Variants in CRACD observed in about 807,000 individuals in gnomAD.
The protein encoded by CRACD is capping protein inhibiting regulator of actin dynamics.
Under a neutral mutation model 106.8 loss-of-function variants are expected in CRACD, and 56 were observed. That is an observed-to-expected ratio of 0.52 (90% CI 0.42 to 0.66). The LOEUF (loss-of-function observed/expected upper bound fraction) is 0.66. Among genes scored for constraint, CRACD ranks in the 30% least tolerant of loss-of-function variants. The pLI is 0.00. For synonymous variants in CRACD, 754 were observed against 670.8 expected (o/e 1.12, Z -1.92); for missense variants, 1,730 against 1,623.2 (o/e 1.07, Z -1.13).
intron 2 of CRACD, among the ~76,000 whole-genome samples, chr4:56,242,889 CTT>C (rs1269813948): frequency 1.3e-5 from 2 of 152,114 alleles, no homozygotes; most frequent in African/African-American, 2.4e-5. Flanking sequence ...AGTTTGTACA[CTT>C]CACGGTGACT....
intron 2 of CRACD, among the ~76,000 whole-genome samples, chr4:56,235,035 T>C (rs1201398209): frequency 6.6e-6 from 1 of 152,232 alleles, no homozygotes; most frequent in Non-Finnish European, 1.5e-5. Context: ...CAACAGTTCA[T>C]TGCATTTGTA....
chr4:56,323,191 T>G (rs1304122407), intron 8 of CRACD, among the ~76,000 whole-genome samples, 186 bp from the exon 9 acceptor site: 1 of 152,150 alleles, frequency 6.6e-6, no homozygotes, highest in African/African-American at 2.4e-5. Flanking sequence ...GTTTTTCTGG[T>G]GATCAAACAT....
At position 56,091,705 on chromosome 4, in the gene CRACD, G is replaced by A. The variant is rs148443044; in HGVS notation, c.-336+42406G>A. ...CTCCTCCTAGGTTTTGTTACATTAT[G>A]GGTTAAGTAGACTTTGGTGGGCGAG... On this transcript the variant is annotated intron_variant, in intron 1 of 10. Transcript: ENST00000682029. Among the ~76,000 whole-genome samples, 315 of 152,236 alleles carry A rather than the reference G, an allele frequency of 2.1e-3. 1 individual carries two copies. Among genetic ancestry groups the A allele is most frequent in the Non-Finnish European group, 2.7e-3 (181 of 68,014 alleles).
intron 1 of CRACD, among the ~76,000 whole-genome samples, chr4:56,137,002 C>T (rs1171048554): frequency 6.6e-6 from 1 of 152,212 alleles, no homozygotes; most frequent in African/African-American, 2.4e-5. Flanking sequence ...ATTGCCCTCA[C>T]ACCATTGTCA....
chr4:56,177,996 T>C (rs927649352), intron 1 of CRACD, among the ~76,000 whole-genome samples: 1 of 152,218 alleles, frequency 6.6e-6, no homozygotes, highest in Admixed American at 6.5e-5. Flanking sequence ...ATTGTCTCAA[T>C]GTTATTTGTT....
At chr4:56,153,441 A>G (rs1276250294) in intron 1 of CRACD, among the ~76,000 whole-genome samples, 2 of 152,152 alleles carry the variant, frequency 1.3e-5, no homozygotes, top group Non-Finnish European at 2.9e-5. Context: ...TCACTCTGTC[A>G]GTAAATATTC....
chr4:56,244,210 A>G (rs1441721430), intron 2 of CRACD, among the ~76,000 whole-genome samples: 1 of 152,094 alleles, frequency 6.6e-6, no homozygotes, highest in Non-Finnish European at 1.5e-5. Context: ...CAAAATTTAC[A>G]TAATGGAGTT....
chr4:56,076,326 G>A (rs1045233472), intron 1 of CRACD, among the ~76,000 whole-genome samples: 2 of 152,150 alleles, frequency 1.3e-5, no homozygotes, highest in African/African-American at 4.8e-5. Context: ...GTGGCACTTT[G>A]TTATGGCAGC....
chr4:56,175,688 A>G (rs1736553377), intron 1 of CRACD, among the ~76,000 whole-genome samples: 1 of 152,098 alleles, frequency 6.6e-6, no homozygotes, highest in African/African-American at 2.4e-5. Context: ...CTGGTTATTA[A>G]TCCCTCGTCA....
chr4:56,309,061 A>C (rs1744953294), intron 5 of CRACD: 1 of 470,276 alleles, frequency 2.1e-6, no homozygotes, highest in Admixed American at 2.4e-5. Flanking sequence ...ATCATTTCAG[A>C]TCAAGAAAAA....
chr4:56,108,761 A>G (rs1734026648), intron 1 of CRACD, among the ~76,000 whole-genome samples: 1 of 152,238 alleles, frequency 6.6e-6, no homozygotes, highest in African/African-American at 2.4e-5. Context: ...CAGAGAGGGA[A>G]GTCAGCATAT....
intron 2 of CRACD, among the ~76,000 whole-genome samples, chr4:56,256,128 C>A (rs1260828897): frequency 6.6e-6 from 1 of 152,174 alleles, no homozygotes; most frequent in African/African-American, 2.4e-5. Context: ...ATGTCCCTAC[C>A]CAAATCTCAT....
chr4:56,101,719 C>T (rs533506200), intron 1 of CRACD, among the ~76,000 whole-genome samples: 3 of 147,430 alleles, frequency 2.0e-5, no homozygotes, highest in East Asian at 2.0e-4. Context: ...GCTGAGATTG[C>T]GCCACTGCAC....
intron 8 of CRACD, chr4:56,321,354 CAG>C (rs1746095673): frequency 6.5e-6 from 1 of 153,424 alleles, no homozygotes; most frequent in Admixed American, 6.5e-5. Context: ...TCCTCCTACC[CAG>C]AGATTTCTTT....
chr4:56,165,515 T>C (rs552263678), intron 1 of CRACD, among the ~76,000 whole-genome samples: 2 of 152,358 alleles, frequency 1.3e-5, no homozygotes, highest in South Asian at 2.1e-4. Context: ...ACAGTTAGTA[T>C]GCAGCAGATT....
Position 56,314,396 on chromosome 4 carries a change from AG to A in CRACD, c.896del (p.Gly299ValfsTer125). On this transcript the variant is annotated frameshift_variant, in exon 8 of 11. Transcript: ENST00000682029. LOFTEE classifies it high-confidence loss of function. The surrounding 1 kb of genome is among the most constrained non-coding windows in gnomAD (Gnocchi z 4.4). ...EEQQRSLEAP[G>X]WEDAERRERE... ...AGCAGCAGCGGAGCCTGGAAGCGCC[AG>A]GTTGGGAGGACGCGGAGCGGAGGGA... The A allele has an allele frequency of 9.3e-7, 1 of 1,080,234 alleles. No individual in the cohort carries two copies. The allele number at this position is 1,080,234 out of a possible 1,614,324, so 66.9% of individuals were successfully genotyped here.
Position 56,214,688 on chromosome 4 carries a change from T to TATATATATATATATAC in CRACD, c.-189+35266_-189+35267insATATATACATATATAT, listed in dbSNP as rs1489730395. ...CTCTCTCTCTCTCTCTCTCTATATA[T>TATATATATATATATAC]ATATATATCAAACAGTTATTTTTTT... On this transcript the variant is annotated intron_variant, in intron 2 of 10. Coordinates refer to ENST00000682029, the MANE Select transcript of CRACD (RefSeq NM_001393381.1). Among the ~76,000 whole-genome samples the TATATATATATATATAC allele has an allele frequency of 2.1e-5, 3 of 143,404 alleles. No homozygotes were observed. In the Admixed American group the frequency reaches 2.1e-4, roughly 10 times the overall value. The allele number at this position is 143,404 out of a possible 152,430, so 94.1% of individuals were successfully genotyped here. A position where few individuals can be genotyped will look rare whatever the true frequency, so the allele number is the denominator to read the frequency against.
intron 3 of CRACD, among the ~76,000 whole-genome samples, chr4:56,278,093 A>G (rs1742781480): frequency 6.6e-6 from 1 of 152,202 alleles, no homozygotes; most frequent in African/African-American, 2.4e-5. Context: ...AGATTGAGCT[A>G]CAGATTCAAT....
At chr4:56,270,655 A>C (rs537610100) in intron 2 of CRACD, among the ~76,000 whole-genome samples, 17 of 152,142 alleles carry the variant, frequency 1.1e-4, no homozygotes, top group Admixed American at 1.0e-3. Flanking sequence ...ATGCTATTTT[A>C]TCTCTTCGTG....
Sources: allele counts gnomAD v4.1 joint callset (sites outside exome capture counted in the v4.1 genomes callset), GRCh38; gene constraint gnomAD v4.1.1; non-coding constraint Gnocchi (gnomAD v3.1); transcripts MANE v1.5; gene names NCBI Gene and HGNC (gene_info 2026-07-23, HGNC 2026-07-21).